The following OR2C1 variants were observed in gnomAD, a reference collection of about 807,000 sequenced individuals.
OR2C1 encodes the protein olfactory receptor 2C1.
For missense variants in OR2C1, 468 were observed against 388.3 expected (o/e 1.21, Z -1.73); for synonymous variants, 209 against 167.3 (o/e 1.25, Z -1.92).
chr16:3,346,455 C>T, the OR2C1 span, among the ~76,000 whole-genome samples: 1 of 152,120 alleles, frequency 6.6e-6, no homozygotes, highest in Non-Finnish European at 1.5e-5. Flanking sequence ...TTAACCAGAC[C>T]TATGGTCCCC....
At chr16:3,348,750 C>A in the OR2C1 span, among the ~76,000 whole-genome samples, 9 of 152,198 alleles carry the variant, frequency 5.9e-5, no homozygotes, top group African/African-American at 1.2e-4. Flanking sequence ...GGTAATTCAT[C>A]TTCTGTGACA....
the OR2C1 span, chr16:3,323,770 C>T: frequency 3.7e-5 from 26 of 709,532 alleles, no homozygotes; most frequent in East Asian, 5.4e-4. Context: ...GGAATGATTC[C>T]AGTCCCTTAA....
chr16:3,341,209 T>C, the OR2C1 span, among the ~76,000 whole-genome samples: 2 of 152,212 alleles, frequency 1.3e-5, no homozygotes, highest in Admixed American at 6.5e-5. Flanking sequence ...TTGGATGTTA[T>C]TGTAAATTAA....
the OR2C1 span, among the ~76,000 whole-genome samples, chr16:3,341,638 A>G: frequency 3.3e-5 from 5 of 152,284 alleles, no homozygotes; most frequent in East Asian, 9.6e-4. Context: ...ATTGTAAAAG[A>G]TATTATGAAG....
upstream of OR2C1, among the ~76,000 whole-genome samples, chr16:3,353,522 C>T (rs1204983405): frequency 2.7e-5 from 4 of 146,704 alleles, no homozygotes; most frequent in Admixed American, 1.4e-4. Context: ...ATAAGTAGGC[C>T]GGGAATGGTA....
At chr16:3,323,267 A>G in the OR2C1 span, 1 of 829,408 alleles carries the variant, frequency 1.2e-6, no homozygotes, top group Non-Finnish European at 2.1e-6. Context: ...AGCCCACTGT[A>G]TTTTTGGTAG....
chr16:3,330,073 AG>A, the OR2C1 span, among the ~76,000 whole-genome samples: 2 of 150,976 alleles, frequency 1.3e-5, no homozygotes, highest in Non-Finnish European at 2.9e-5. Context: ...ACAACATCAA[AG>A]AAAAAGTGTG....
upstream of OR2C1, among the ~76,000 whole-genome samples, chr16:3,353,836 A>G (rs2030612878): frequency 6.6e-6 from 1 of 151,818 alleles, no homozygotes; most frequent in Non-Finnish European, 1.5e-5. Flanking sequence ...GAAGGAAGGA[A>G]GGGGAAGGGC....
chr16:3,336,238 G>A, the OR2C1 span, among the ~76,000 whole-genome samples: 1 of 152,070 alleles, frequency 6.6e-6, no homozygotes, highest in Non-Finnish European at 1.5e-5. Context: ...TTGTATCCCT[G>A]GGATGAATCC....
rs75856110 is a variant in OR2C1 at position 3,356,112 on chromosome 16, C to T, written c.172C>T (p.Pro58Ser). The change falls in exon 1 of 1, where the codon CCC (proline) becomes TCC (serine). Residue 58 changes from proline to serine, a missense_variant. Coordinates refer to ENST00000304936, the MANE Select transcript of OR2C1 (RefSeq NM_012368.3). ...LSRLEARLHT[P>S]MYFFLSNLSS... ...CCGCCTGGAGGCCCGGCTCCATACACCCATGTACTTCTTCCTCAGCAACCT... is the reference window on the plus strand; with the variant it reads ...CCGCCTGGAGGCCCGGCTCCATACATCCATGTACTTCTTCCTCAGCAACCT... 18,053 of 1,614,180 alleles carry T rather than the reference C, an allele frequency of 0.011. 1,588 individuals are homozygous for T. The Admixed American group carries it at 0.19, about 17-fold the overall frequency.
chr16:3,339,644 C>A, the OR2C1 span, among the ~76,000 whole-genome samples: 2 of 151,964 alleles, frequency 1.3e-5, no homozygotes, highest in East Asian at 1.9e-4. Context: ...TTTTAGTAGA[C>A]ATGGGGTTTC....
the OR2C1 span, among the ~76,000 whole-genome samples, chr16:3,331,260 T>A: frequency 6.6e-6 from 1 of 152,234 alleles, no homozygotes; most frequent in Non-Finnish European, 1.5e-5. Context: ...TAAATTTGTT[T>A]GGGTTCATTG....
the OR2C1 span, among the ~76,000 whole-genome samples, chr16:3,340,909 TTTC>T: frequency 1.3e-5 from 2 of 152,142 alleles, no homozygotes; most frequent in African/African-American, 4.8e-5. Context: ...CTTTGTTTTT[TTTC>T]AAGATTCTTT....
the OR2C1 span, among the ~76,000 whole-genome samples, chr16:3,337,340 T>G: frequency 2.6e-5 from 4 of 151,564 alleles, no homozygotes; most frequent in African/African-American, 9.7e-5. Context: ...TTTTTTTGTT[T>G]GTATTTTTAA....
chr16:3,346,035 A>C, the OR2C1 span, among the ~76,000 whole-genome samples: 1 of 152,022 alleles, frequency 6.6e-6, no homozygotes, highest in Non-Finnish European at 1.5e-5. Flanking sequence ...AGATCTCACT[A>C]TGTTGCCCAG....
At chr16:3,349,682 A>T in the OR2C1 span, among the ~76,000 whole-genome samples, 1 of 152,120 alleles carries the variant, frequency 6.6e-6, no homozygotes. Context: ...TGGGAAAAGG[A>T]AAATAGCAGA....
At position 3,356,305 on chromosome 16, in the gene OR2C1, G is replaced by C. The variant is rs201906964; in HGVS notation, c.365G>C (p.Arg122Pro). The C allele has an allele frequency of 1.2e-6, 2 of 1,613,348 alleles. No homozygotes were observed. The change falls in exon 1 of 1, where the codon CGC becomes CCC. Residue 122 changes from arginine (R) to proline (P), a missense_variant. Transcript: ENST00000304936. ...CTGCTGGTGGTGATGGCATTTGACC[G>C]CTACGTGGCAGTGTGCCGGCCCCTC... ...CILLVVMAFDRYVAVCRPLRY... is the reference protein window; with the variant it reads ...CILLVVMAFDPYVAVCRPLRY...
chr16:3,352,158 C>T (rs2030582400), upstream of OR2C1, among the ~76,000 whole-genome samples: 1 of 151,920 alleles, frequency 6.6e-6, no homozygotes, highest in Admixed American at 6.6e-5. Flanking sequence ...CCTCTGTCGC[C>T]CAGGCTGGAG....
the OR2C1 span, among the ~76,000 whole-genome samples, chr16:3,332,469 A>G: frequency 6.6e-6 from 1 of 151,816 alleles, no homozygotes; most frequent in African/African-American, 2.4e-5. Context: ...TTTTCTACCT[A>G]ACTGTATATT....
Sources: gnomAD v4.1 joint callset for allele counts (sites outside exome capture counted in the v4.1 genomes callset) on GRCh38, gnomAD v4.1.1 for gene constraint, MANE v1.5 for transcripts, NCBI Gene and HGNC (gene_info 2026-07-23, HGNC 2026-07-21) for gene names.